Variants in FAM168B observed in about 807,000 individuals in gnomAD.
FAM168B encodes the protein family with sequence similarity 168 member B, also known as myelin-associated neurite-outgrowth inhibitor.
FAM168B carries 19 observed loss-of-function variants against 21.8 expected under a neutral mutation model. The ratio of observed to expected loss-of-function variants is 0.87; its 90% confidence interval spans 0.61 to 1.28. The LOEUF is 1.28. Among genes scored for constraint, FAM168B ranks in the 50% most tolerant of loss-of-function variants. The probability of loss-of-function intolerance (pLI) is 0.00; values close to 1 mark genes in which losing one functional copy is unlikely to be tolerated. For missense variants in FAM168B, 233 were observed against 263.1 expected, an observed-to-expected ratio of 0.89 and a Z score of 0.79; for synonymous variants, 126 against 104.8, an observed-to-expected ratio of 1.20 and a Z score of -1.24.
At chr2:131,065,123 T>G (rs952267858) in intron 3 of FAM168B, among the ~76,000 whole-genome samples, 8 of 152,080 alleles carry the variant, frequency 5.3e-5, no homozygotes, top group Admixed American at 5.2e-4. Context: ...AGTAAAGCAG[T>G]GCCACTTTAC....
intron 3 of FAM168B, among the ~76,000 whole-genome samples, chr2:131,070,918 C>A (rs1346067927): frequency 6.6e-6 from 1 of 152,136 alleles, no homozygotes; most frequent in African/African-American, 2.4e-5. Flanking sequence ...CTGGGAGCAT[C>A]GCTCTGGTTT....
At chr2:131,062,695 A>G (rs1692364670) in intron 3 of FAM168B, among the ~76,000 whole-genome samples, 2 of 152,054 alleles carry the variant, frequency 1.3e-5, no homozygotes, top group South Asian at 4.1e-4. Context: ...TGATCCACCC[A>G]CCTCGGCCTC....
chr2:131,070,437 C>T (rs1483891011), intron 3 of FAM168B, among the ~76,000 whole-genome samples: 1 of 152,180 alleles, frequency 6.6e-6, no homozygotes, highest in East Asian at 1.9e-4. Context: ...AACTCACAAA[C>T]ACTGCTGGTA....
Position 131,050,793 on chromosome 2 carries a change from C to T in FAM168B, c.*1672G>A. 1.0e-6 allele frequency: 1 copy of T among 985,430 alleles called. No individual in the cohort carries two copies. Among genetic ancestry groups the T allele is most frequent in the Non-Finnish European group, 1.2e-6 (1 of 829,966 alleles). The allele number at this position is 985,430 out of a possible 1,614,324, so 61.0% of individuals were successfully genotyped here. On this transcript the variant is annotated 3_prime_UTR_variant, in exon 7 of 7. Coordinates refer to ENST00000389915, the MANE Select transcript of FAM168B (RefSeq NM_001009993.4). ...GGCGCCAGTGCCCTGACCCAGCTAC[C>T]AGCAAATGAAGAGGAGCAGAGCCCC...
Position 131,093,296 on chromosome 2 carries a change from G to A in FAM168B, c.-94C>T, listed in dbSNP as rs1169683961. The A allele has an allele frequency of 6.7e-6, 1 of 150,232 alleles. No individual in the cohort carries two copies. The highest frequency in any genetic ancestry group is 1.5e-5 in the Non-Finnish European group (1 of 67,222). 9.3% of individuals were successfully genotyped at this position (150,232 alleles called of 1,614,324 possible). A position where few individuals can be genotyped will look rare whatever the true frequency, so the allele number is the denominator to read the frequency against. On this transcript the variant is annotated 5_prime_UTR_variant, in exon 1 of 7. Coordinates refer to ENST00000389915, the MANE Select transcript of FAM168B (RefSeq NM_001009993.4). Reference sequence around the variant, plus strand: ...TTGGCCGTGGGGCGAAACAAGGGGGGCGTGCCGAGGAGACCTGCTACGATA... The same window carrying A: ...TTGGCCGTGGGGCGAAACAAGGGGGACGTGCCGAGGAGACCTGCTACGATA...
Position 131,049,526 on chromosome 2 carries a change from C to T in FAM168B, c.*2939G>A, listed in dbSNP as rs150773536. The T allele has an allele frequency of 1.8e-3, 1,813 of 985,460 alleles. 6 individuals are homozygous for T. The Middle Eastern group carries it at 0.024, about 13-fold the overall frequency. The allele number at this position is 985,460 out of a possible 1,614,324, so 61.0% of individuals were successfully genotyped here. ...CTCACAGAGCGGCAAGTTCATGGGTCACTGGCTCACACTAAATGCTCAGCC... is the reference window on the plus strand; with the variant it reads ...CTCACAGAGCGGCAAGTTCATGGGTTACTGGCTCACACTAAATGCTCAGCC... On this transcript the variant is annotated 3_prime_UTR_variant, in exon 7 of 7. Coordinates refer to ENST00000389915, the MANE Select transcript of FAM168B (RefSeq NM_001009993.4).
intron 1 of FAM168B, among the ~76,000 whole-genome samples, chr2:131,082,919 C>T (rs1411436989): frequency 2.0e-5 from 3 of 152,082 alleles, no homozygotes; most frequent in Non-Finnish European, 4.4e-5. Context: ...AGCTATATGT[C>T]CACTAAAAGC....
chr2:131,053,711 T>C (rs891629880), intron 5 of FAM168B, among the ~76,000 whole-genome samples: 15 of 152,018 alleles, frequency 9.9e-5, no homozygotes, highest in African/African-American at 3.6e-4. Flanking sequence ...ATCCCAGCTC[T>C]ACAAAAAGTT....
In FAM168B at chr2:131,049,355, G is replaced by C; in HGVS notation, c.*3110C>G. ...CATTGCCTGTGAACACATTTGCATA[G>C]CACTCAAGAAGGTTTCCCAGAATAG... On this transcript the variant is annotated 3_prime_UTR_variant, in exon 7 of 7. Transcript: ENST00000389915. 1.0e-6 allele frequency: 1 copy of C among 985,500 alleles called. No homozygotes were observed. Among genetic ancestry groups the C allele is most frequent in the Non-Finnish European group, 1.2e-6 (1 of 830,010 alleles). The allele number at this position is 985,500 out of a possible 1,614,324, so 61.0% of individuals were successfully genotyped here.
At chr2:131,080,955 C>A (rs1286401688) in intron 2 of FAM168B, among the ~76,000 whole-genome samples, 1 of 152,100 alleles carries the variant, frequency 6.6e-6, no homozygotes, top group Non-Finnish European at 1.5e-5. Context: ...CAGGCATGAG[C>A]CACTACACCC....
In FAM168B at chr2:131,048,615, G is replaced by C; in HGVS notation, c.*3850C>G. On this transcript the variant is annotated 3_prime_UTR_variant, in exon 7 of 7. Transcript: ENST00000389915. ...CAACTTCTGTGTTACTTGGTCAGTTGAGCCCCTGGAGCCCTCAGGACCTAC... is the reference window on the plus strand; with the variant it reads ...CAACTTCTGTGTTACTTGGTCAGTTCAGCCCCTGGAGCCCTCAGGACCTAC... 7 of 1,080,982 alleles carry C rather than the reference G, an allele frequency of 6.5e-6. No homozygotes were observed. Among genetic ancestry groups the C allele is most frequent in the Non-Finnish European group, 6.8e-6 (6 of 884,170 alleles). The allele number at this position is 1,080,982 out of a possible 1,614,324, so 67.0% of individuals were successfully genotyped here. A position where few individuals can be genotyped will look rare whatever the true frequency, so the allele number is the denominator to read the frequency against.
intron 1 of FAM168B, among the ~76,000 whole-genome samples, chr2:131,086,998 G>A (rs1178973744): frequency 7.7e-6 from 1 of 130,350 alleles, no homozygotes; most frequent in Non-Finnish European, 1.5e-5. Context: ...CCCAGGGGGC[G>A]GAGCCTGCAG....
In FAM168B at chr2:131,049,186, C is replaced by T. The variant is rs1000499864; in HGVS notation, c.*3279G>A. On this transcript the variant is annotated 3_prime_UTR_variant, in exon 7 of 7. Transcript: ENST00000389915. ...TTTCCTCTCGTTACTGTTGTGTCCC[C>T]CAAGACACATGCAAATTATTTCCTA... The T allele has an allele frequency of 1.0e-6, 1 of 985,340 alleles. No homozygotes were observed. The highest frequency in any genetic ancestry group is 1.2e-6 in the Non-Finnish European group (1 of 829,918). The allele number at this position is 985,340 out of a possible 1,614,324, so 61.0% of individuals were successfully genotyped here. A position where few individuals can be genotyped will look rare whatever the true frequency, so the allele number is the denominator to read the frequency against.
chr2:131,061,256 C>T (rs370840766), intron 3 of FAM168B, among the ~76,000 whole-genome samples: 2 of 141,330 alleles, frequency 1.4e-5, no homozygotes, highest in East Asian at 2.1e-4. Context: ...GGAGTTGAGA[C>T]GAGCCTAGCC....
At chr2:131,081,721 GGTT>G (rs1693443320) in intron 2 of FAM168B, among the ~76,000 whole-genome samples, 1 of 152,068 alleles carries the variant, frequency 6.6e-6, no homozygotes, top group Admixed American at 6.6e-5. Context: ...TCCCCATGTG[GGTT>G]GTTAAAACCC....
intron 2 of FAM168B, among the ~76,000 whole-genome samples, chr2:131,076,238 C>A (rs1693146163): frequency 6.6e-6 from 1 of 152,172 alleles, no homozygotes; most frequent in African/African-American, 2.4e-5. Flanking sequence ...GGTACCCCAA[C>A]CCCCAGCAGA....
At chr2:131,089,717 CAAA>C (rs1233775927) in intron 1 of FAM168B, among the ~76,000 whole-genome samples, 4 of 97,236 alleles carry the variant, frequency 4.1e-5, no homozygotes, top group Admixed American at 1.2e-4. Context: ...GACTCCATCT[CAAA>C]AAAAAAAAAA....
chr2:131,064,886 A>C (rs1426582457), intron 3 of FAM168B, among the ~76,000 whole-genome samples: 1 of 152,198 alleles, frequency 6.6e-6, no homozygotes, highest in Non-Finnish European at 1.5e-5. Flanking sequence ...ATCTCAACAC[A>C]TCGGGGGTAG....
At chr2:131,083,485 G>A (rs1176752416) in intron 1 of FAM168B, among the ~76,000 whole-genome samples, 1 of 152,080 alleles carries the variant, frequency 6.6e-6, no homozygotes, top group Non-Finnish European at 1.5e-5. Flanking sequence ...GATTAGCAGT[G>A]AGCCAAGCTC....
Sources: gnomAD v4.1 joint callset for allele counts (sites outside exome capture counted in the v4.1 genomes callset) on GRCh38, gnomAD v4.1.1 for gene constraint, MANE v1.5 for transcripts, NCBI Gene and HGNC (gene_info 2026-07-23, HGNC 2026-07-21) for gene names.